SYT14: variants seen among roughly 807,000 people sequenced by gnomAD.
SYT14 encodes the protein synaptotagmin-14.
SYT14 carries 32 observed loss-of-function variants against 74.2 expected under a neutral mutation model. That is an observed-to-expected ratio of 0.43 (90% confidence interval 0.33 to 0.58). The LOEUF (loss-of-function observed/expected upper bound fraction) is 0.58. SYT14 is among the 20% of genes least tolerant of loss of function. The pLI is 0.05. For missense variants in SYT14, 791 were observed against 981.8 expected, an observed-to-expected ratio of 0.81 and a Z score of 2.60; for synonymous variants, 298 against 337.7, an observed-to-expected ratio of 0.88 and a Z score of 1.29.
At chr1:210,012,327 A>T (rs1300919729) in intron 2 of SYT14, among the ~76,000 whole-genome samples, 1 of 152,180 alleles carries the variant, frequency 6.6e-6, no homozygotes, top group Non-Finnish European at 1.5e-5. Context: ...TCTTCACCAG[A>T]TTGTTCAAGG....
exon 7 of SYT14, chr1:210,100,153 G>A: frequency 6.2e-7 from 1 of 1,614,076 alleles, no homozygotes; most frequent in Non-Finnish European, 8.5e-7. Context: ...AGCTGTCACA[G>A]ACATCCCAAC....
At chr1:210,113,618 C>T (rs1276437223) in intron 7 of SYT14, among the ~76,000 whole-genome samples, 2 of 150,610 alleles carry the variant, frequency 1.3e-5, no homozygotes, top group South Asian at 2.1e-4. Flanking sequence ...GGTGCATGAT[C>T]GGTTGCTAAG....
intron 7 of SYT14, among the ~76,000 whole-genome samples, chr1:210,107,265 G>A (rs1461202655): frequency 6.6e-6 from 1 of 152,180 alleles, no homozygotes; most frequent in Non-Finnish European, 1.5e-5. Flanking sequence ...TCCAACAACA[G>A]CCCTCCTGAC....
chr1:210,155,890 T>C (rs2083259321), exon 8 of SYT14: 1 of 1,614,002 alleles, frequency 6.2e-7, no homozygotes, highest in Non-Finnish European at 8.5e-7. Flanking sequence ...TTCAAAAATT[T>C]GGCAGCAAAC....
At chr1:210,006,074 T>C (rs1017368583) in intron 2 of SYT14, among the ~76,000 whole-genome samples, 6 of 152,024 alleles carry the variant, frequency 3.9e-5, no homozygotes, top group Admixed American at 6.5e-5. Context: ...GCATTTTTTT[T>C]CCCTAAGATC....
intron 6 of SYT14, among the ~76,000 whole-genome samples, chr1:210,096,549 C>T (rs1472534874): frequency 6.6e-6 from 1 of 152,216 alleles, no homozygotes; most frequent in Non-Finnish European, 1.5e-5. Context: ...AGTGCCCATA[C>T]ATCCTGTCTC....
At chr1:210,025,936 T>C (rs780780720) in intron 5 of SYT14, among the ~76,000 whole-genome samples, 1 of 152,208 alleles carries the variant, frequency 6.6e-6, no homozygotes, top group Non-Finnish European at 1.5e-5. Context: ...GTAGTCTCCC[T>C]AAGTCTATTT....
chr1:210,033,907 G>T (rs2080596099), intron 5 of SYT14, among the ~76,000 whole-genome samples: 1 of 151,640 alleles, frequency 6.6e-6, no homozygotes, highest in South Asian at 2.1e-4. Context: ...GTTTCTCAAA[G>T]AAAGAATATA....
intron 2 of SYT14, among the ~76,000 whole-genome samples, chr1:210,000,105 A>G (rs983463834): frequency 1.1e-4 from 16 of 152,224 alleles, no homozygotes; most frequent in African/African-American, 3.9e-4. Flanking sequence ...AAATGTATAC[A>G]AACACTTTTT....
At chr1:210,138,019 AT>A (rs1377997931) in intron 7 of SYT14, among the ~76,000 whole-genome samples, 4 of 152,204 alleles carry the variant, frequency 2.6e-5, no homozygotes, top group Admixed American at 6.5e-5. Flanking sequence ...ATAAAAAAAA[AT>A]CAACATAAAC....
intron 2 of SYT14, among the ~76,000 whole-genome samples, chr1:209,991,841 A>G (rs747100874): frequency 5.6e-4 from 86 of 152,302 alleles, no homozygotes; most frequent in Non-Finnish European, 1.0e-3. Flanking sequence ...AGAAAAAAAA[A>G]AAAAAAGTCA....
chr1:210,131,530 A>T (rs759235820), intron 7 of SYT14, among the ~76,000 whole-genome samples: 1 of 151,314 alleles, frequency 6.6e-6, no homozygotes, highest in Non-Finnish European at 1.5e-5. Flanking sequence ...TTATCCTTCT[A>T]TTTTTTATCA....
chr1:209,968,713 T>C (rs1349131289), intron 2 of SYT14, among the ~76,000 whole-genome samples: 1 of 151,430 alleles, frequency 6.6e-6, no homozygotes, highest in Non-Finnish European at 1.5e-5. Context: ...TTTCATGGTT[T>C]AGTAGCTCAT....
intron 7 of SYT14, among the ~76,000 whole-genome samples, chr1:210,153,006 G>A (rs929868658): frequency 6.6e-6 from 1 of 152,166 alleles, no homozygotes; most frequent in African/African-American, 2.4e-5. Flanking sequence ...GTATGCCATT[G>A]TATGAACTCA....
intron 5 of SYT14, among the ~76,000 whole-genome samples, chr1:210,058,834 A>C (rs943616900): frequency 3.3e-5 from 5 of 152,254 alleles, no homozygotes; most frequent in African/African-American, 9.6e-5. Flanking sequence ...TTCCCGAATG[A>C]AGTCATTCAA....
intron 5 of SYT14, among the ~76,000 whole-genome samples, chr1:210,048,320 C>CT (rs1193999925): frequency 3.9e-5 from 6 of 152,122 alleles, no homozygotes; most frequent in Non-Finnish European, 8.8e-5. Flanking sequence ...TTTCACACCA[C>CT]TGATAAAGAC....
intron 2 of SYT14, among the ~76,000 whole-genome samples, chr1:209,986,786 G>A (rs2079578469): frequency 6.6e-6 from 1 of 151,988 alleles, no homozygotes; most frequent in Admixed American, 6.6e-5. Context: ...ACCATGCCCG[G>A]CTAATTTTTG....
At chr1:209,960,764 A>T (rs540802849) in intron 2 of SYT14, among the ~76,000 whole-genome samples, 4 of 152,190 alleles carry the variant, frequency 2.6e-5, no homozygotes, top group Non-Finnish European at 5.9e-5. Flanking sequence ...TAGGATGTGC[A>T]TGGTAGTGGT....
intron 5 of SYT14, among the ~76,000 whole-genome samples, chr1:210,035,605 A>G (rs550599141): frequency 6.6e-6 from 1 of 152,024 alleles, no homozygotes; most frequent in East Asian, 1.9e-4. Flanking sequence ...CATGAGGGAT[A>G]GGGGTCCAGT....
Sources: allele counts gnomAD v4.1 joint callset (sites outside exome capture counted in the v4.1 genomes callset), GRCh38; gene constraint gnomAD v4.1.1; transcripts MANE v1.5; gene names NCBI Gene and HGNC (gene_info 2026-07-23, HGNC 2026-07-21).